Variants in HDAC1 observed in about 807,000 individuals in gnomAD.
The protein encoded by HDAC1 is histone deacetylase 1.
A neutral mutation model predicts 65.5 loss-of-function variants in HDAC1; 18 were observed. The ratio of observed to expected loss-of-function variants is 0.27; its 90% CI spans 0.19 to 0.41. HDAC1 has a LOEUF of 0.41. Among genes scored for constraint, HDAC1 ranks in the 10% least tolerant of loss-of-function variants. The pLI is 1.00. For missense variants in HDAC1, 373 were observed against 625.2 expected, an observed-to-expected ratio of 0.60 and a Z score of 4.30; for synonymous variants, 211 against 227.9, an observed-to-expected ratio of 0.93 and a Z score of 0.67.
At chr1:32,324,370 C>T in intron 3 of HDAC1, 109 bp from the exon 4 acceptor site, 1 of 761,542 alleles carries the variant, frequency 1.3e-6, no homozygotes, top group South Asian at 1.5e-5. Flanking sequence ...AGAGCCTGGA[C>T]TAGAACCCAC....
intron 3 of HDAC1, among the ~76,000 whole-genome samples, chr1:32,321,003 G>C (rs1185577939): frequency 2.0e-5 from 3 of 150,840 alleles, no homozygotes; most frequent in African/African-American, 7.3e-5. Context: ...AGGCCGAGGC[G>C]GGCAGATCAC....
chr1:32,301,757 G>A (rs537472047), intron 1 of HDAC1, among the ~76,000 whole-genome samples: 3 of 152,182 alleles, frequency 2.0e-5, no homozygotes, highest in African/African-American at 7.2e-5. Flanking sequence ...GCAACAGATC[G>A]AGACTTGTCT....
At chr1:32,311,710 G>A (rs1640995060) in intron 2 of HDAC1, among the ~76,000 whole-genome samples, 2 of 152,166 alleles carry the variant, frequency 1.3e-5, no homozygotes, top group Non-Finnish European at 2.9e-5. Flanking sequence ...CAAAAATAAT[G>A]AAAGAGAACT....
intron 3 of HDAC1, among the ~76,000 whole-genome samples, chr1:32,317,001 A>AT (rs1641074050): frequency 6.6e-6 from 1 of 152,216 alleles, no homozygotes. Context: ...TATGTTCACA[A>AT]CACTGTCCCA....
At chr1:32,305,948 C>G (rs1640904905) in intron 2 of HDAC1, among the ~76,000 whole-genome samples, 1 of 152,082 alleles carries the variant, frequency 6.6e-6, no homozygotes, top group Non-Finnish European at 1.5e-5. Flanking sequence ...TTTATTCATT[C>G]ATTGCATATA....
At chr1:32,298,470 C>T (rs1468362539) in intron 1 of HDAC1, among the ~76,000 whole-genome samples, 1 of 152,092 alleles carries the variant, frequency 6.6e-6, no homozygotes, top group Non-Finnish European at 1.5e-5. Flanking sequence ...CCACCCGCCT[C>T]GGCCCAAAGT....
At chr1:32,299,635 TA>T (rs1640818901) in intron 1 of HDAC1, among the ~76,000 whole-genome samples, 1 of 152,318 alleles carries the variant, frequency 6.6e-6, no homozygotes, top group South Asian at 2.1e-4. Context: ...CTCATCCTAA[TA>T]AATCTCTAAG....
rs547289715 is a variant in HDAC1 at position 32,331,505 on chromosome 1, T to G, written c.1011T>G (p.Phe337Leu). ...ELPYNDYFEYFGPDFKLHISP... is the reference protein window; with the variant it reads ...ELPYNDYFEYLGPDFKLHISP... ...CATACAATGACTACTTTGAATACTT[T>G]GGACCAGATTTCAAGCTCCACATCA... Residue 337 changes from phenylalanine (F) to leucine (L), a missense_variant, in exon 10 of 14, where the codon TTT (phenylalanine) becomes TTG (leucine). Phe to Leu is a conservative substitution (Grantham distance 22, BLOSUM62 0). Coordinates refer to ENST00000373548, the MANE Select transcript of HDAC1 (RefSeq NM_004964.3). This position sits in a 1 kb window ranked among gnomAD's most constrained non-coding sequence, Gnocchi z 4.2. 1 of 1,611,648 alleles carries G rather than the reference T, an allele frequency of 6.2e-7. No homozygotes were observed. The highest frequency in any genetic ancestry group is 1.7e-5 in the Admixed American group (1 of 60,020).
At chr1:32,313,397 G>A (rs529673501) in intron 2 of HDAC1, among the ~76,000 whole-genome samples, 27 of 151,948 alleles carry the variant, frequency 1.8e-4, no homozygotes, top group Non-Finnish European at 2.1e-4. Context: ...GCCTGGCCCC[G>A]ATAATTATTT....
rs949545510 is a variant in HDAC1 at position 32,329,766 on chromosome 1, C to G, written c.729+606C>G. Reference sequence around the variant, plus strand: ...ACTGCCTGGGCTGGCAGGAGGGTAGCCAGGGATGATTTCACAGAGGTGCTG... The same window carrying G: ...ACTGCCTGGGCTGGCAGGAGGGTAGGCAGGGATGATTTCACAGAGGTGCTG... On this transcript the variant is annotated intron_variant, in intron 7 of 13. Transcript: ENST00000373548. The surrounding 1 kb of genome is among the most constrained non-coding windows in gnomAD (Gnocchi z 4.1). The G allele has an allele frequency of 6.4e-6, 1 of 155,102 alleles. No homozygotes were observed. The highest frequency in any genetic ancestry group is 6.3e-5 in the Admixed American group (1 of 15,952). The allele number at this position is 155,102 out of a possible 1,614,324, so 9.6% of individuals were successfully genotyped here. A position where few individuals can be genotyped will look rare whatever the true frequency, so the allele number is the denominator to read the frequency against.
At chr1:32,299,182 G>T (rs1041806383) in intron 1 of HDAC1, among the ~76,000 whole-genome samples, 4 of 152,120 alleles carry the variant, frequency 2.6e-5, no homozygotes, top group African/African-American at 9.7e-5. Context: ...TTCTAAGGAA[G>T]TGGACAGTGT....
chr1:32,316,864 C>A (rs913227814), intron 3 of HDAC1, 82 bp downstream of exon 3: 1 of 852,116 alleles, frequency 1.2e-6, no homozygotes, highest in African/African-American at 1.7e-5. Flanking sequence ...CTGCCGTCCT[C>A]GCACCTCCCA....
At chr1:32,300,862 A>G (rs574756388) in intron 1 of HDAC1, among the ~76,000 whole-genome samples, 1 of 152,316 alleles carries the variant, frequency 6.6e-6, no homozygotes, top group East Asian at 1.9e-4. Context: ...TTATTTTGCC[A>G]TATGCTTGGG....
chr1:32,292,484 G>A, intron 1 of HDAC1: 2 of 965,894 alleles, frequency 2.1e-6, no homozygotes, highest in South Asian at 4.8e-5. Flanking sequence ...TGGAGAGTTT[G>A]AGTGGGACTC....
intron 2 of HDAC1, among the ~76,000 whole-genome samples, chr1:32,309,680 CA>C (rs560312057): frequency 5.9e-3 from 298 of 50,934 alleles, no homozygotes; most frequent in African/African-American, 0.011. Flanking sequence ...GAGCGAGTCT[CA>C]AAAAAAAAAA....
At chr1:32,310,747 G>A (rs1322619753) in intron 2 of HDAC1, among the ~76,000 whole-genome samples, 1 of 151,984 alleles carries the variant, frequency 6.6e-6, no homozygotes, top group African/African-American at 2.4e-5. Context: ...CTACTCGGGA[G>A]GCTGGGGCAA....
At chr1:32,317,004 CTG>C (rs1481313142) in intron 3 of HDAC1, among the ~76,000 whole-genome samples, 1 of 152,228 alleles carries the variant, frequency 6.6e-6, no homozygotes. Context: ...GTTCACAACA[CTG>C]TCCCAAGAGT....
chr1:32,320,899 C>CAAAAAAAA (rs1160071616), intron 3 of HDAC1, among the ~76,000 whole-genome samples: 2 of 23,378 alleles, frequency 8.6e-5, no homozygotes, highest in Non-Finnish European at 1.2e-4. Flanking sequence ...GACTCCATCT[C>CAAAAAAAA]AAAAAAAAAA....
At chr1:32,307,528 A>T (rs950831940) in intron 2 of HDAC1, among the ~76,000 whole-genome samples, 1 of 152,230 alleles carries the variant, frequency 6.6e-6, no homozygotes, top group African/African-American at 2.4e-5. Context: ...GGTGGGTAGT[A>T]TACAGTGTGG....
Sources: allele counts gnomAD v4.1 joint callset (sites outside exome capture counted in the v4.1 genomes callset), GRCh38; gene constraint gnomAD v4.1.1; non-coding constraint Gnocchi (gnomAD v3.1); transcripts MANE v1.5; gene names NCBI Gene and HGNC (gene_info 2026-07-23, HGNC 2026-07-21).